BRD8: variants seen among roughly 807,000 people sequenced by gnomAD.
BRD8 encodes bromodomain containing 8.
In BRD8, 67 loss-of-function variants were observed where a neutral mutation model predicts 143.1. The observed-to-expected ratio is 0.47, with a 90% CI of 0.38 to 0.57. The LOEUF (loss-of-function observed/expected upper bound fraction) is 0.57, where lower values mean the gene tolerates loss of function less well. BRD8 is among the 20% of genes least tolerant of loss of function. The pLI, the probability that BRD8 is intolerant of heterozygous loss-of-function variation, is 0.00. For missense variants in BRD8, 1,103 were observed against 1,503.0 expected (o/e 0.73, Z 4.40); for synonymous variants, 505 against 517.1 (o/e 0.98, Z 0.32).
At chr5:138,167,016 C>A (rs1262297250) in intron 9 of BRD8, 3 of 226,128 alleles carry the variant, frequency 1.3e-5, no homozygotes, top group Non-Finnish European at 2.5e-5. Context: ...GAGGCCGAGG[C>A]AGGTGGGTCA....
chr5:138,170,680 C>T (rs556410025), intron 6 of BRD8, 152 bp downstream of exon 6: 10 of 764,948 alleles, frequency 1.3e-5, no homozygotes, highest in South Asian at 9.4e-5. Flanking sequence ...CTCACTCCCC[C>T]CTCCCAGCCA....
chr5:138,156,000 G>A (rs1029096782), intron 20 of BRD8, among the ~76,000 whole-genome samples: 7 of 150,594 alleles, frequency 4.6e-5, no homozygotes, highest in Middle Eastern at 3.4e-3. Flanking sequence ...ACAGCTTCCC[G>A]AGTAGCTGGG....
At chr5:138,157,299 T>A (rs1447467218) in intron 20 of BRD8, 1 of 1,612,406 alleles carries the variant, frequency 6.2e-7, no homozygotes, top group Non-Finnish European at 8.5e-7. Context: ...AAAGGGAGCA[T>A]GAGTTGGTCA....
In BRD8 at chr5:138,149,620, G is replaced by C; in HGVS notation, c.3278+20C>G. On this transcript the variant is annotated intron_variant, in intron 23 of 26. Coordinates refer to ENST00000254900, the MANE Select transcript of BRD8 (RefSeq NM_139199.2). Reference sequence around the variant, plus strand: ...CAGAAGTACGAATCTTAACAAACTTGGATGAAAGTCTACGCTTACAGCTTT... The same window carrying C: ...CAGAAGTACGAATCTTAACAAACTTCGATGAAAGTCTACGCTTACAGCTTT... 1 of 1,559,474 alleles carries C rather than the reference G, an allele frequency of 6.4e-7. No homozygotes were observed. Among genetic ancestry groups the C allele is most frequent in the Non-Finnish European group, 8.7e-7 (1 of 1,155,372 alleles).
At chr5:138,170,104 T>C (rs930362790) in intron 7 of BRD8, among the ~76,000 whole-genome samples, 1 of 152,252 alleles carries the variant, frequency 6.6e-6, no homozygotes, top group Non-Finnish European at 1.5e-5. Flanking sequence ...TAAAACATTA[T>C]GTTCAATATC....
chr5:138,144,258 A>G (rs1752044815), intron 25 of BRD8, among the ~76,000 whole-genome samples: 1 of 152,156 alleles, frequency 6.6e-6, no homozygotes, highest in Non-Finnish European at 1.5e-5. Context: ...ACTCGCTGTG[A>G]AGGTCTGCAG....
At chr5:138,157,357 G>T (rs1020902813) in intron 20 of BRD8, 2 of 1,541,394 alleles carry the variant, frequency 1.3e-6, no homozygotes, top group East Asian at 2.3e-5. Flanking sequence ...TGGTTTCTTG[G>T]GGGAGAGGGA....
intron 20 of BRD8, among the ~76,000 whole-genome samples, chr5:138,156,041 ATTT>A (rs1011162221): frequency 6.9e-6 from 1 of 144,170 alleles, no homozygotes; most frequent in African/African-American, 2.5e-5. Flanking sequence ...TGCTGGGCTA[ATTT>A]TTTTTTTTTT....
chr5:138,161,918 G>A, intron 16 of BRD8, 54 bp from the exon 17 acceptor site: 2 of 1,598,988 alleles, frequency 1.3e-6, no homozygotes, highest in South Asian at 1.1e-5. Flanking sequence ...GTGCAGGGAG[G>A]GAACTTACTC....
chr5:138,174,454 G>A (rs771659910), intron 2 of BRD8, among the ~76,000 whole-genome samples: 49 of 151,942 alleles, frequency 3.2e-4, no homozygotes, highest in Non-Finnish European at 6.0e-4. Context: ...AAATTAGCCA[G>A]GCATGGTGGC....
chr5:138,171,297 A>G, intron 4 of BRD8, 64 bp downstream of exon 4: 1 of 1,445,700 alleles, frequency 6.9e-7, no homozygotes. Context: ...AGTATAAACC[A>G]GAATTCCTCA....
chr5:138,169,481 G>C, intron 7 of BRD8, 123 bp from the exon 8 acceptor site: 2 of 1,175,632 alleles, frequency 1.7e-6, no homozygotes, highest in Admixed American at 2.6e-5. Flanking sequence ...AGCATAATAA[G>C]TTTGGATTAG....
chr5:138,176,711 G>A (rs1023487579), intron 2 of BRD8, among the ~76,000 whole-genome samples: 6 of 152,188 alleles, frequency 3.9e-5, no homozygotes, highest in Admixed American at 6.5e-5. Flanking sequence ...GGTGATGGTT[G>A]CACAACTGTG....
chr5:138,158,631 C>G (rs1412199344), intron 20 of BRD8, among the ~76,000 whole-genome samples: 2 of 148,548 alleles, frequency 1.3e-5, no homozygotes, highest in Non-Finnish European at 3.0e-5. Flanking sequence ...TTAGTAGAGA[C>G]GGGGTTTTTA....
rs145012212 is a variant in BRD8 at position 138,164,987 on chromosome 5, G to A, written c.1458C>T (p.Asp486=). Reference sequence around the variant, plus strand: ...TTCCCTTGTTTTCCGTTTCCTCAAAGTCCAGTCTCTCTTGCTTGACCGTCA... The same window carrying A: ...TTCCCTTGTTTTCCGTTTCCTCAAAATCCAGTCTCTCTTGCTTGACCGTCA... ...PEMTVKQERL[D]FEETENKGIH... Residue 486 remains aspartate (D), a synonymous_variant, in exon 12 of 27, where the codon GAC becomes GAT. Transcript: ENST00000254900. The A allele has an allele frequency of 4.1e-5, 66 of 1,614,028 alleles. No individual in the cohort carries two copies. The highest frequency in any genetic ancestry group is 5.4e-5 in the Non-Finnish European group (64 of 1,180,038).
chr5:138,174,494 G>A (rs1754153087), intron 2 of BRD8, among the ~76,000 whole-genome samples: 1 of 151,858 alleles, frequency 6.6e-6, no homozygotes, highest in Non-Finnish European at 1.5e-5. Context: ...TACACGGGAG[G>A]CTGAGGTGGG....
chr5:138,170,876 T>G lies in BRD8; in HGVS notation c.396A>C (p.Gly132=), dbSNP rs1753809018. ...LKRDAELIQA[G]HMDSRLDELC... Reference sequence around the variant, plus strand: ...GCTCATCCAGTCTGCTGTCCATGTGTCCAGCTTGAATTAGTTCTGCATCTC... The same window carrying G: ...GCTCATCCAGTCTGCTGTCCATGTGGCCAGCTTGAATTAGTTCTGCATCTC... The change falls in exon 6 of 27, where the codon GGA becomes GGC. Residue 132 remains glycine, a synonymous_variant. Coordinates refer to ENST00000254900, the MANE Select transcript of BRD8 (RefSeq NM_139199.2). 6.2e-7 allele frequency: 1 copy of G among 1,614,060 alleles called. No individual in the cohort carries two copies. The highest frequency in any genetic ancestry group is 8.5e-7 in the Non-Finnish European group (1 of 1,180,030).
Position 138,139,955 on chromosome 5 carries a change from G to T in BRD8, c.*119C>A. The T allele has an allele frequency of 1.3e-6, 1 of 745,800 alleles. No homozygotes were observed. The highest frequency in any genetic ancestry group is 1.7e-5 in the African/African-American group (1 of 57,226). The allele number at this position is 745,800 out of a possible 1,614,324, so 46.2% of individuals were successfully genotyped here. ...CTTTGACTCGTTGGTTGTGAGTTAA[G>T]GTATTATTCTTGTTGGAAAAGAAAA... On this transcript the variant is annotated 3_prime_UTR_variant, in exon 27 of 27. Transcript: ENST00000254900.
Position 138,173,397 on chromosome 5 carries a change from C to CA in BRD8, c.117-1264dup, listed in dbSNP as rs34972519. 3.2e-4 allele frequency among the ~76,000 whole-genome samples: 46 copies of CA among 141,990 alleles called. No individual in the cohort carries two copies. In the East Asian group the frequency reaches 3.5e-3, roughly 11 times the overall value. 93.2% of individuals were successfully genotyped at this position (141,990 alleles called of 152,430 possible). ...TGGGTGACACAGTGAGACTCCATCT[C>CA]AAAAAAAAAAAAAGATTCTTAACAC... On this transcript the variant is annotated intron_variant, in intron 2 of 26. Coordinates refer to ENST00000254900, the MANE Select transcript of BRD8 (RefSeq NM_139199.2).
Sources: gnomAD v4.1 joint callset for allele counts (sites outside exome capture counted in the v4.1 genomes callset) on GRCh38, gnomAD v4.1.1 for gene constraint, MANE v1.5 for transcripts, NCBI Gene and HGNC (gene_info 2026-07-23, HGNC 2026-07-21) for gene names.